Variants in SARNP observed in about 807,000 individuals in gnomAD.
SARNP encodes the protein SAP domain-containing ribonucleoprotein.
A neutral mutation model predicts 38.1 loss-of-function variants in SARNP; 5 were observed. The ratio of observed to expected loss-of-function variants is 0.13; its 90% confidence interval spans 0.07 to 0.28. SARNP has a LOEUF of 0.28. Ranked by LOEUF, SARNP falls within the 10% of genes least tolerant of loss-of-function variation. The pLI is 1.00. For missense variants in SARNP, 180 were observed against 243.9 expected, an observed-to-expected ratio of 0.74 and a Z score of 1.75; for synonymous variants, 84 against 80.6, an observed-to-expected ratio of 1.04 and a Z score of -0.23.
intron 4 of SARNP, 141 bp downstream of exon 4, chr12:55,800,421 C>T: frequency 1.7e-6 from 1 of 592,046 alleles, no homozygotes; most frequent in South Asian, 2.4e-5. Context: ...GAAGTAGTCC[C>T]TTCTAAAAAA....
rs891646330 is a variant in SARNP at position 55,757,406 on chromosome 12, C to T, written c.*106G>A. The T allele has an allele frequency of 4.6e-6, 4 of 865,782 alleles. No individual in the cohort carries two copies. The highest frequency in any genetic ancestry group is 2.9e-5 in the East Asian group (1 of 35,052). 53.6% of individuals were successfully genotyped at this position (865,782 alleles called of 1,614,324 possible). Reference sequence around the variant, plus strand: ...ACCTGGGGTACATGCTCCCTCATTGCGAGGCAGGACGTAGGCACATGACTG... The same window carrying T: ...ACCTGGGGTACATGCTCCCTCATTGTGAGGCAGGACGTAGGCACATGACTG... On this transcript the variant is annotated 3_prime_UTR_variant, in exon 11 of 11. Transcript: ENST00000336133.
At chr12:55,782,460 G>GC (rs1272256214) in intron 9 of SARNP, among the ~76,000 whole-genome samples, 5 of 152,292 alleles carry the variant, frequency 3.3e-5, no homozygotes, top group African/African-American at 1.2e-4. Context: ...ACTCAAATTA[G>GC]CACAGCAGTT....
intron 1 of SARNP, among the ~76,000 whole-genome samples, chr12:55,807,630 G>C (rs1403751780): frequency 6.9e-6 from 1 of 145,560 alleles, no homozygotes; most frequent in Admixed American, 7.0e-5. Context: ...GTGAAACCCC[G>C]TCTCTACTAA....
At chr12:55,763,225 C>T (rs887038699) in intron 9 of SARNP, among the ~76,000 whole-genome samples, 1 of 151,758 alleles carries the variant, frequency 6.6e-6, no homozygotes, top group African/African-American at 2.4e-5. Context: ...AAAATAATAA[C>T]ATTATAGCCA....
Position 55,800,845 on chromosome 12 carries a change from C to T in SARNP, c.183+9G>A, listed in dbSNP as rs1235930496. ...TTACCAGAGACTAACCTTACTCTAT[C>T]CAACTCACCTCTGTTTCATCTCCCA... On this transcript the variant is annotated intron_variant, in intron 3 of 10. Coordinates refer to ENST00000336133, the MANE Select transcript of SARNP (RefSeq NM_033082.4). 2 of 1,610,076 alleles carry T rather than the reference C, an allele frequency of 1.2e-6. No homozygotes were observed. Among genetic ancestry groups the T allele is most frequent in the Non-Finnish European group, 1.7e-6 (2 of 1,176,300 alleles).
chr12:55,770,565 T>C (rs1271357446), intron 9 of SARNP, among the ~76,000 whole-genome samples: 1 of 152,012 alleles, frequency 6.6e-6, no homozygotes, highest in Non-Finnish European at 1.5e-5. Context: ...AAATTAAGGG[T>C]TCTTAGCAAT....
intron 1 of SARNP, among the ~76,000 whole-genome samples, chr12:55,813,628 T>A (rs1353158287): frequency 1.5e-5 from 2 of 134,332 alleles, no homozygotes; most frequent in African/African-American, 5.6e-5. Context: ...CACCGCAACC[T>A]CCACCTACGC....
At chr12:55,778,205 G>C (rs554449936) in intron 9 of SARNP, among the ~76,000 whole-genome samples, 1 of 152,172 alleles carries the variant, frequency 6.6e-6, no homozygotes, top group Admixed American at 6.5e-5. Context: ...GGAGTGCAGT[G>C]GCATGATCTC....
chr12:55,773,876 T>C (rs1879082899), intron 9 of SARNP, among the ~76,000 whole-genome samples: 1 of 151,972 alleles, frequency 6.6e-6, no homozygotes, highest in Admixed American at 6.6e-5. Context: ...ACCAGCTAAT[T>C]TTTGTATTTT....
At chr12:55,769,985 A>C (rs997262155) in intron 9 of SARNP, among the ~76,000 whole-genome samples, 3 of 152,164 alleles carry the variant, frequency 2.0e-5, no homozygotes, top group Non-Finnish European at 4.4e-5. Context: ...CTGTGTTTCT[A>C]TTAGAAGAGA....
intron 5 of SARNP, among the ~76,000 whole-genome samples, chr12:55,795,194 A>C (rs2136197705): frequency 6.6e-6 from 1 of 152,178 alleles, no homozygotes; most frequent in Middle Eastern, 3.4e-3. Context: ...TCCTGGCCTC[A>C]AGTGAACTGC....
At chr12:55,797,008 T>C (rs1399263809) in intron 4 of SARNP, among the ~76,000 whole-genome samples, 1 of 152,052 alleles carries the variant, frequency 6.6e-6, no homozygotes, top group Non-Finnish European at 1.5e-5. Flanking sequence ...GAGACAAAGT[T>C]CGGAAGTACC....
At chr12:55,764,244 G>C (rs1294943996) in intron 9 of SARNP, among the ~76,000 whole-genome samples, 1 of 152,134 alleles carries the variant, frequency 6.6e-6, no homozygotes, top group East Asian at 1.9e-4. Context: ...AGAATAAGGG[G>C]CTGGGAGCAG....
chr12:55,786,684 C>G (rs568032307), intron 9 of SARNP, among the ~76,000 whole-genome samples: 1 of 152,018 alleles, frequency 6.6e-6, no homozygotes, highest in African/African-American at 2.4e-5. Context: ...CTCCTGACCT[C>G]GTGATCCACC....
chr12:55,802,517 T>A (rs1050631139), intron 2 of SARNP, among the ~76,000 whole-genome samples: 1 of 151,978 alleles, frequency 6.6e-6, no homozygotes, highest in African/African-American at 2.4e-5. Flanking sequence ...AAACTTTGTT[T>A]CATGTACAAA....
At chr12:55,758,148 G>A (rs2136174260) in intron 10 of SARNP, among the ~76,000 whole-genome samples, 1 of 152,254 alleles carries the variant, frequency 6.6e-6, no homozygotes, top group East Asian at 1.9e-4. Context: ...CAACACTGGA[G>A]AGGACACAAA....
chr12:55,807,515 A>T (rs1167293113), intron 1 of SARNP, among the ~76,000 whole-genome samples: 4 of 151,842 alleles, frequency 2.6e-5, no homozygotes, highest in African/African-American at 9.7e-5. Context: ...ATTAAAAAAA[A>T]TTTTTGGTCG....
chr12:55,753,813 G>A (rs1199409936), downstream of SARNP: 2 of 150,858 alleles, frequency 1.3e-5, no homozygotes, highest in African/African-American at 4.9e-5. Context: ...AGGACCCAGT[G>A]GTGTGCTCCT....
rs918687634 is a variant in SARNP at position 55,809,915 on chromosome 12, A to C, written c.37-6187T>G. On this transcript the variant is annotated intron_variant, in intron 1 of 10. Transcript: ENST00000336133. ...TCTGAGAAGAGGAAGCTAGTTTGGG[A>C]AAAGTGTAGGAAAGAAACTTTTTAC... Among the ~76,000 whole-genome samples, 3 of 152,214 alleles carry C rather than the reference A, an allele frequency of 2.0e-5. 1 individual carries two copies. Among genetic ancestry groups the C allele is most frequent in the South Asian group, 4.1e-4 (2 of 4,830 alleles).
Sources: gnomAD v4.1 joint callset for allele counts (sites outside exome capture counted in the v4.1 genomes callset) on GRCh38, gnomAD v4.1.1 for gene constraint, MANE v1.5 for transcripts, NCBI Gene and HGNC (gene_info 2026-07-23, HGNC 2026-07-21) for gene names.